Variants in MAPK10 observed in about 807,000 individuals in gnomAD.
MAPK10 encodes the protein JNK3 alpha protein kinase.
A neutral mutation model predicts 59.3 loss-of-function variants in MAPK10; 25 were observed. The observed-to-expected ratio is 0.42, with a 90% CI of 0.31 to 0.59. The LOEUF is 0.59. Among genes scored for constraint, MAPK10 ranks in the 20% least tolerant of loss-of-function variants. The probability of loss-of-function intolerance (pLI) is 0.15; values close to 1 mark genes in which losing one functional copy is unlikely to be tolerated. For missense variants in MAPK10, 351 were observed against 568.9 expected, an observed-to-expected ratio of 0.62 and a Z score of 3.90; for synonymous variants, 190 against 200.5, an observed-to-expected ratio of 0.95 and a Z score of 0.44.
At chr4:86,028,133 A>C (rs1341338308) in intron 13 of MAPK10, 3 of 152,244 alleles carry the variant, frequency 2.0e-5, no homozygotes, top group African/African-American at 2.4e-5. Context: ...TTCTGTCTTC[A>C]AGTTTTTTAA....
intron 3 of MAPK10, chr4:86,193,642 T>C (rs536133827): frequency 1.0e-4 from 16 of 152,764 alleles, no homozygotes; most frequent in African/African-American, 3.6e-4. Flanking sequence ...TTCATACTGC[T>C]GTGCTGTCAG....
chr4:86,239,601 A>G (rs1380377192), intron 2 of MAPK10, among the ~76,000 whole-genome samples: 4 of 151,916 alleles, frequency 2.6e-5, no homozygotes, highest in Middle Eastern at 3.4e-3. Flanking sequence ...CCAGGAATTT[A>G]TCTGTTTCTT....
intron 1 of MAPK10, among the ~76,000 whole-genome samples, chr4:86,420,172 T>C (rs1056586550): frequency 1.3e-5 from 2 of 152,150 alleles, no homozygotes; most frequent in African/African-American, 2.4e-5. Context: ...ACTTGAGAGG[T>C]AGTAAGTTAG....
chr4:86,507,041 A>G (rs1755793745), intron 1 of MAPK10, among the ~76,000 whole-genome samples: 1 of 152,188 alleles, frequency 6.6e-6, no homozygotes, highest in African/African-American at 2.4e-5. Flanking sequence ...CATATATGAT[A>G]AACAATATTC....
chr4:86,220,577 T>A (rs1288159963), intron 2 of MAPK10, among the ~76,000 whole-genome samples: 1 of 152,212 alleles, frequency 6.6e-6, no homozygotes, highest in Non-Finnish European at 1.5e-5. Flanking sequence ...TTTCCACATT[T>A]ATATACATAT....
intron 9 of MAPK10, among the ~76,000 whole-genome samples, chr4:86,071,218 C>G (rs75501001): frequency 0.44 from 66,696 of 151,870 alleles, 15,316 homozygotes; most frequent in African/African-American, 0.55. Context: ...TGATGACCTT[C>G]GCCCACTTTT....
chr4:86,299,895 C>CT (rs1224445488), intron 2 of MAPK10, among the ~76,000 whole-genome samples: 2 of 151,432 alleles, frequency 1.3e-5, no homozygotes, highest in African/African-American at 4.9e-5. Flanking sequence ...TATTTTTTTT[C>CT]TTTTTTTGTT....
chr4:86,569,110 CA>C (rs1761271210), intron 1 of MAPK10, among the ~76,000 whole-genome samples: 1 of 151,390 alleles, frequency 6.6e-6, no homozygotes, highest in Admixed American at 6.6e-5. Flanking sequence ...AAGAAAAAAA[CA>C]AATAACTCCA....
chr4:86,287,463 A>G (rs2095056458), intron 2 of MAPK10, among the ~76,000 whole-genome samples: 1 of 152,182 alleles, frequency 6.6e-6, no homozygotes, highest in East Asian at 1.9e-4. Context: ...GATCTTAAGA[A>G]TATTCATCAC....
chr4:86,182,411 C>T (rs1004674770), intron 3 of MAPK10, among the ~76,000 whole-genome samples: 1 of 152,056 alleles, frequency 6.6e-6, no homozygotes, highest in Non-Finnish European at 1.5e-5. Flanking sequence ...ATTGAAAACC[C>T]CATGGACTAA....
At chr4:86,310,098 A>T (rs1393563906) in intron 2 of MAPK10, among the ~76,000 whole-genome samples, 1 of 152,060 alleles carries the variant, frequency 6.6e-6, no homozygotes, top group African/African-American at 2.4e-5. Flanking sequence ...TTTCTCACCT[A>T]TCTCTGACCT....
At chr4:86,352,585 G>A (rs1366384552) in intron 2 of MAPK10, among the ~76,000 whole-genome samples, 2 of 152,142 alleles carry the variant, frequency 1.3e-5, no homozygotes, top group African/African-American at 4.8e-5. Flanking sequence ...TGGGATAGTA[G>A]CTAGCGGTTA....
At chr4:86,320,432 C>G (rs2095866564) in intron 2 of MAPK10, among the ~76,000 whole-genome samples, 1 of 152,026 alleles carries the variant, frequency 6.6e-6, no homozygotes, top group Non-Finnish European at 1.5e-5. Flanking sequence ...CTCAAATACT[C>G]TAATAACCAA....
chr4:86,590,489 A>T (rs1762958264), intron 1 of MAPK10, among the ~76,000 whole-genome samples: 1 of 152,184 alleles, frequency 6.6e-6, no homozygotes, highest in South Asian at 2.1e-4. Context: ...TTTGATTAGA[A>T]TTATACTGGA....
chr4:86,335,533 C>T (rs1407929810), intron 2 of MAPK10, among the ~76,000 whole-genome samples: 1 of 152,044 alleles, frequency 6.6e-6, no homozygotes, highest in African/African-American at 2.4e-5. Flanking sequence ...CTCTCTCACC[C>T]CCTTCTTCTT....
chr4:86,021,391 G>A (rs1041532621), intron 13 of MAPK10, among the ~76,000 whole-genome samples: 1 of 151,912 alleles, frequency 6.6e-6, no homozygotes, highest in African/African-American at 2.4e-5. Flanking sequence ...GGTTCTCCAA[G>A]GCCCCACCAG....
In MAPK10 at chr4:86,016,987, T is replaced by C. The variant is rs1406879491; in HGVS notation, c.*241A>G. ...GATTTGCTTTCTGTAGTAAGCATCA[T>C]TGGAAGAAGACCAAAGCAAGAGCAA... is the stretch of plus-strand genomic sequence containing the variant. On this transcript the variant is annotated 3_prime_UTR_variant, in exon 14 of 14. Transcript: ENST00000641462. 1.2e-5 allele frequency: 5 copies of C among 404,628 alleles called. No individual in the cohort carries two copies. Among genetic ancestry groups the C allele is most frequent in the South Asian group, 3.5e-5 (1 of 28,192 alleles). 25.1% of individuals were successfully genotyped at this position (404,628 alleles called of 1,614,324 possible). A position where few individuals can be genotyped will look rare whatever the true frequency, so the allele number is the denominator to read the frequency against.
intron 4 of MAPK10, chr4:86,119,510 G>C (rs1005595215): frequency 6.7e-6 from 1 of 149,720 alleles, no homozygotes; most frequent in African/African-American, 2.5e-5. Context: ...CAGGAGAATT[G>C]CTGGAATCCG....
chr4:86,395,985 C>T (rs1157765798), intron 1 of MAPK10, among the ~76,000 whole-genome samples: 3 of 152,234 alleles, frequency 2.0e-5, no homozygotes, highest in African/African-American at 7.2e-5. Context: ...GTTTGTACCA[C>T]ATAAAACACA....
Sources: allele counts gnomAD v4.1 joint callset (sites outside exome capture counted in the v4.1 genomes callset), GRCh38; gene constraint gnomAD v4.1.1; transcripts MANE v1.5; gene names NCBI Gene and HGNC (gene_info 2026-07-23, HGNC 2026-07-21).